Variants in PCDH15 observed in about 807,000 individuals in gnomAD.
The protein encoded by PCDH15 is protocadherin-15.
Under a neutral mutation model 178.5 loss-of-function variants are expected in PCDH15, and 129 were observed. That is an observed-to-expected ratio of 0.72 (90% CI 0.63 to 0.84). The LOEUF is 0.84. Ranked by LOEUF, PCDH15 falls within the 40% of genes least tolerant of loss-of-function variation. The pLI is 0.00. For synonymous variants in PCDH15, 800 were observed against 732.0 expected (o/e 1.09, Z -1.50); for missense variants, 2,230 against 2,099.9 (o/e 1.06, Z -1.21).
At chr10:54,172,428 C>T (rs1416147984) in intron 13 of PCDH15, among the ~76,000 whole-genome samples, 3 of 152,050 alleles carry the variant, frequency 2.0e-5, no homozygotes, top group African/African-American at 7.2e-5. Context: ...GGACTCAGCC[C>T]GCCTGCACCC....
rs2610921 is a variant in PCDH15 at position 53,904,278 on chromosome 10, C to T, written c.3374-908G>A. ...CTGATTCATTTCAGTTATGAACAAA[C>T]GGCAATTAACGTACATACTATTTAT... On this transcript the variant is annotated intron_variant, in intron 25 of 37. Coordinates refer to ENST00000644397, the MANE Select transcript of PCDH15 (RefSeq NM_001384140.1). 7.5e-3 allele frequency among the ~76,000 whole-genome samples: 1,133 copies of T among 152,038 alleles called. 11 individuals carry two copies. Among genetic ancestry groups the T allele is most frequent in the African/African-American group, 0.026 (1,066 of 41,480 alleles).
At chr10:54,818,928 T>A (rs1003992405) in intron 3 of PCDH15, among the ~76,000 whole-genome samples, 3 of 152,052 alleles carry the variant, frequency 2.0e-5, no homozygotes, top group Non-Finnish European at 4.4e-5. Context: ...GTTTTATTTT[T>A]ATTTATTTAT....
chr10:55,353,007 T>C (rs1397961946), intron 2 of PCDH15, among the ~76,000 whole-genome samples: 2 of 152,124 alleles, frequency 1.3e-5, no homozygotes, highest in Non-Finnish European at 2.9e-5. Flanking sequence ...CAATTCTCCA[T>C]AACAACACCC....
At chr10:54,550,052 A>G (rs1219795) in intron 2 of PCDH15, among the ~76,000 whole-genome samples, 150,665 of 152,248 alleles carry the variant, frequency 0.99, 74,556 homozygotes, top group East Asian at 1. Flanking sequence ...CCAGACCACA[A>G]GCAATTTACA....
intron 3 of PCDH15, among the ~76,000 whole-genome samples, chr10:54,454,261 T>C (rs2076671801): frequency 6.7e-6 from 1 of 149,608 alleles, no homozygotes; most frequent in African/African-American, 2.4e-5. Flanking sequence ...AACAGAATAA[T>C]AATTGCTTTT....
intron 2 of PCDH15, chr10:55,599,823 A>G (rs1304389712): frequency 2.4e-6 from 2 of 817,042 alleles, no homozygotes; most frequent in Non-Finnish European, 3.6e-6. Context: ...GCTCAGTGAC[A>G]TATGTTTAAG....
chr10:54,823,741 A>G (rs1367122279), intron 3 of PCDH15, among the ~76,000 whole-genome samples: 1 of 152,142 alleles, frequency 6.6e-6, no homozygotes, highest in Non-Finnish European at 1.5e-5. Flanking sequence ...TTTTTCTGCA[A>G]TGAAGGCTTA....
chr10:55,544,916 A>G (rs534269893), intron 2 of PCDH15, among the ~76,000 whole-genome samples: 141 of 152,314 alleles, frequency 9.3e-4, no homozygotes, highest in Admixed American at 8.9e-3. Context: ...AATAAGAAGT[A>G]TAAGGCAGAT....
At chr10:54,357,800 T>C (rs573997197) in intron 5 of PCDH15, among the ~76,000 whole-genome samples, 5,498 of 152,164 alleles carry the variant, frequency 0.036, 317 homozygotes, top group African/African-American at 0.12. Context: ...AGCATGGTAC[T>C]GGTACCAAAA....
chr10:54,091,979 C>T (rs1194005785), intron 15 of PCDH15, among the ~76,000 whole-genome samples: 1 of 152,096 alleles, frequency 6.6e-6, no homozygotes, highest in Non-Finnish European at 1.5e-5. Flanking sequence ...CTACATGGAT[C>T]CACATTAGAT....
intron 29 of PCDH15, among the ~76,000 whole-genome samples, chr10:53,834,666 A>T (rs74944334): frequency 0.021 from 3,179 of 152,224 alleles, 132 homozygotes; most frequent in African/African-American, 0.072. Context: ...CTGAAATGAG[A>T]TAAGTTGCTA....
intron 10 of PCDH15, among the ~76,000 whole-genome samples, chr10:54,211,319 T>C (rs1591193935): frequency 6.6e-6 from 1 of 152,124 alleles, no homozygotes; most frequent in Non-Finnish European, 1.5e-5. Flanking sequence ...GTAAACCAAA[T>C]CTATGATTCT....
chr10:54,882,736 C>CA, intron 3 of PCDH15, among the ~76,000 whole-genome samples: 1 of 152,082 alleles, frequency 6.6e-6, no homozygotes, highest in Non-Finnish European at 1.5e-5. Flanking sequence ...TTACAGTCCA[C>CA]AAAAAATACC....
At chr10:54,988,880 A>G (rs2131914214) in intron 2 of PCDH15, among the ~76,000 whole-genome samples, 1 of 152,288 alleles carries the variant, frequency 6.6e-6, no homozygotes, top group African/African-American at 2.4e-5. Flanking sequence ...TCATGGGGAA[A>G]ATGTTTCCAG....
At chr10:54,774,705 G>C (rs1033679024) in intron 1 of PCDH15, among the ~76,000 whole-genome samples, 1 of 152,116 alleles carries the variant, frequency 6.6e-6, no homozygotes, top group Non-Finnish European at 1.5e-5. Flanking sequence ...TTAAATTCCA[G>C]TAGTAGGTAA....
intron 4 of PCDH15, among the ~76,000 whole-genome samples, chr10:54,373,333 A>G (rs933650285): frequency 6.6e-6 from 1 of 151,862 alleles, no homozygotes; most frequent in African/African-American, 2.4e-5. Context: ...TTATAACATA[A>G]TCATTCCTAT....
chr10:54,583,039 A>G (rs2091175650), intron 2 of PCDH15, among the ~76,000 whole-genome samples: 1 of 151,714 alleles, frequency 6.6e-6, no homozygotes, highest in Admixed American at 6.6e-5. Context: ...GAGCTTTTTG[A>G]TCAGGAAAAA....
At chr10:54,238,244 A>G (rs988051880) in intron 8 of PCDH15, among the ~76,000 whole-genome samples, 11 of 152,142 alleles carry the variant, frequency 7.2e-5, no homozygotes, top group African/African-American at 2.7e-4. Flanking sequence ...CAGAACATTG[A>G]AATATGTAAT....
In PCDH15 at chr10:53,922,869, C is replaced by T. The variant is rs566094615; in HGVS notation, c.3373+15946G>A. ...TGGGAGGCTGGGGGTGGGTGGATCACGAGGTCGGGAGATCGAGACCATCCT... is the reference window on the plus strand; with the variant it reads ...TGGGAGGCTGGGGGTGGGTGGATCATGAGGTCGGGAGATCGAGACCATCCT... On this transcript the variant is annotated intron_variant, in intron 25 of 37. Transcript: ENST00000644397. Among the ~76,000 whole-genome samples, 30 of 152,136 alleles carry T rather than the reference C, an allele frequency of 2.0e-4. No homozygotes were observed. The South Asian group carries it at 5.8e-3, about 29-fold the overall frequency.
Sources: gnomAD v4.1 joint callset for allele counts (sites outside exome capture counted in the v4.1 genomes callset) on GRCh38, gnomAD v4.1.1 for gene constraint, MANE v1.5 for transcripts, NCBI Gene and HGNC (gene_info 2026-07-23, HGNC 2026-07-21) for gene names.